Variants in CSGALNACT1 observed in about 807,000 individuals in gnomAD.
The protein encoded by CSGALNACT1 is chondroitin sulfate N-acetylgalactosaminyltransferase 1, also known as beta4GalNAcT-1.
In CSGALNACT1, 52 loss-of-function variants were observed where a neutral mutation model predicts 51.0. The observed-to-expected ratio is 1.02, with a 90% CI of 0.82 to 1.29. The LOEUF (loss-of-function observed/expected upper bound fraction) is 1.29. CSGALNACT1 is among the 50% of genes most tolerant of loss of function. CSGALNACT1 has a pLI of 0.00. For synonymous variants in CSGALNACT1, 341 were observed against 254.4 expected (o/e 1.34, Z -3.24); for missense variants, 935 against 679.2 (o/e 1.38, Z -4.19).
intron 1 of CSGALNACT1, among the ~76,000 whole-genome samples, chr8:19,672,346 CA>C (rs931268519): frequency 1.3e-5 from 2 of 151,886 alleles, no homozygotes; most frequent in Non-Finnish European, 2.9e-5. Flanking sequence ...AATAAATGAA[CA>C]AAAAAAATTG....
At chr8:19,719,180 A>T (rs1284457030) in intron 1 of CSGALNACT1, among the ~76,000 whole-genome samples, 2 of 152,218 alleles carry the variant, frequency 1.3e-5, no homozygotes, top group Admixed American at 6.5e-5. Context: ...GGCTCAAATT[A>T]TCACTTCCCA....
chr8:19,666,640 G>A (rs964705385), intron 1 of CSGALNACT1, among the ~76,000 whole-genome samples: 1 of 151,252 alleles, frequency 6.6e-6, no homozygotes. Flanking sequence ...AGAGGTTACA[G>A]TGAGCCGATA....
At chr8:19,619,871 G>A (rs1394822769) in intron 1 of CSGALNACT1, among the ~76,000 whole-genome samples, 1 of 152,174 alleles carries the variant, frequency 6.6e-6, no homozygotes, top group South Asian at 2.1e-4. Flanking sequence ...TAATGCAGTG[G>A]TCATGGTGCC....
At chr8:19,513,432 C>CTATA (rs1464867601) in intron 3 of CSGALNACT1, among the ~76,000 whole-genome samples, 74 of 71,904 alleles carry the variant, frequency 1.0e-3, no homozygotes, top group Non-Finnish European at 1.6e-3. Flanking sequence ...CTCTCTCTCT[C>CTATA]TCTCTATATA....
upstream of CSGALNACT1, among the ~76,000 whole-genome samples, chr8:19,602,990 A>T (rs779800252): frequency 2.6e-5 from 4 of 151,098 alleles, no homozygotes; most frequent in Admixed American, 2.6e-4. Flanking sequence ...ATATATATAC[A>T]TACATACACA....
chr8:19,456,237 T>A (rs2064059241), intron 5 of CSGALNACT1, among the ~76,000 whole-genome samples: 1 of 152,168 alleles, frequency 6.6e-6, no homozygotes, highest in Admixed American at 6.6e-5. Context: ...CCCAAGAGAA[T>A]CCTGCTATTT....
In CSGALNACT1 at chr8:19,425,319, C is replaced by G. The variant is rs184476500; in HGVS notation, c.954-4801G>C. Among the ~76,000 whole-genome samples the G allele has an allele frequency of 1.7e-3, 263 of 152,278 alleles. 3 individuals carry two copies. The highest frequency in any genetic ancestry group is 3.0e-3 in the Non-Finnish European group (202 of 68,018). On this transcript the variant is annotated intron_variant, in intron 6 of 9. Coordinates refer to ENST00000454498, the Ensembl canonical transcript of CSGALNACT1. ...TCGTGCCATTGTGCTCTAACTTGGG[C>G]AACAGAGCTACATTCCATCTCAAAA...
intron 4 of CSGALNACT1, among the ~76,000 whole-genome samples, chr8:19,504,345 G>A (rs1050724840): frequency 9.2e-5 from 14 of 152,124 alleles, no homozygotes; most frequent in African/African-American, 3.4e-4. Context: ...CAAAGTGCTG[G>A]GATTACAGGC....
intron 4 of CSGALNACT1, among the ~76,000 whole-genome samples, chr8:19,502,533 C>T (rs533708845): frequency 1.3e-5 from 2 of 152,182 alleles, no homozygotes; most frequent in Non-Finnish European, 2.9e-5. Flanking sequence ...TGTTATACTA[C>T]TACATGGTTC....
chr8:19,642,560 C>T (rs2056846811), intron 1 of CSGALNACT1, among the ~76,000 whole-genome samples: 1 of 152,032 alleles, frequency 6.6e-6, no homozygotes, highest in Admixed American at 6.6e-5. Flanking sequence ...CACTTGAGCT[C>T]AGGAGTTTGA....
At position 19,596,344 on chromosome 8, in the gene CSGALNACT1, G is replaced by T. The variant is rs79894774; in HGVS notation, c.-415-5066C>A. On this transcript the variant is annotated intron_variant, in intron 2 of 9. Transcript: ENST00000454498. ...AAGAAAGGACTGTTAGTGTGATGAGGGGGAAAATGAAAAAGCCTAAAGCAG... is the reference window on the plus strand; with the variant it reads ...AAGAAAGGACTGTTAGTGTGATGAGTGGGAAAATGAAAAAGCCTAAAGCAG... 7.7e-3 allele frequency among the ~76,000 whole-genome samples: 1,176 copies of T among 152,156 alleles called. 17 individuals carry two copies. Among genetic ancestry groups the T allele is most frequent in the African/African-American group, 0.027 (1,112 of 41,500 alleles).
intron 3 of CSGALNACT1, 67 bp from the exon 3 acceptor site, chr8:19,506,197 A>C (rs1177859696): frequency 2.1e-6 from 1 of 467,474 alleles, no homozygotes; most frequent in Non-Finnish European, 4.2e-6. Flanking sequence ...TCCCTACGGC[A>C]ATCAATATCC....
chr8:19,693,488 C>T (rs2061433959), intron 1 of CSGALNACT1, among the ~76,000 whole-genome samples: 1 of 152,112 alleles, frequency 6.6e-6, no homozygotes, highest in South Asian at 2.1e-4. Flanking sequence ...TAAGTACTTT[C>T]ATTAAAGTGC....
At chr8:19,492,555 G>T (rs1052659699) in intron 4 of CSGALNACT1, among the ~76,000 whole-genome samples, 1 of 152,164 alleles carries the variant, frequency 6.6e-6, no homozygotes, top group East Asian at 1.9e-4. Context: ...CTGCCAACCT[G>T]GGCCAAGCCT....
chr8:19,505,452 A>T (rs1417175915), exon 4 of CSGALNACT1: 1 of 1,614,094 alleles, frequency 6.2e-7, no homozygotes, highest in Non-Finnish European at 8.5e-7. Context: ...TGCCTTGTCC[A>T]CCTGCGAGTG....
At chr8:19,477,285 C>T (rs904556905) in intron 4 of CSGALNACT1, among the ~76,000 whole-genome samples, 1 of 152,172 alleles carries the variant, frequency 6.6e-6, no homozygotes, top group Non-Finnish European at 1.5e-5. Flanking sequence ...GTGGGGGTTC[C>T]CTGTGTAGGA....
At position 19,513,588 on chromosome 8, in the gene CSGALNACT1, C is replaced by T. The variant is rs142784003; in HGVS notation, c.-296-7458G>A. On this transcript the variant is annotated intron_variant, in intron 3 of 9. Coordinates refer to ENST00000454498, the Ensembl canonical transcript of CSGALNACT1. Reference sequence around the variant, plus strand: ...AGTTTAGGGCTGAGGCACAGTTATGCCATTGCTTAATGAAAGAAAAATGTT... The same window carrying T: ...AGTTTAGGGCTGAGGCACAGTTATGTCATTGCTTAATGAAAGAAAAATGTT... Among the ~76,000 whole-genome samples, 104 of 151,904 alleles carry T rather than the reference C, an allele frequency of 6.8e-4. No homozygotes were observed. The Middle Eastern group carries it at 0.017, about 25-fold the overall frequency.
intron 3 of CSGALNACT1, among the ~76,000 whole-genome samples, chr8:19,527,016 A>C (rs756416772): frequency 9.9e-5 from 15 of 152,162 alleles, no homozygotes; most frequent in Non-Finnish European, 1.9e-4. Flanking sequence ...ATATCTACCC[A>C]CCTATCTATA....
At chr8:19,551,436 G>A (rs993534375) in intron 3 of CSGALNACT1, among the ~76,000 whole-genome samples, 6 of 152,122 alleles carry the variant, frequency 3.9e-5, no homozygotes, top group Non-Finnish European at 7.4e-5. Flanking sequence ...AACTCCACTT[G>A]CAAAATCTCT....
Sources: gnomAD v4.1 joint callset for allele counts (sites outside exome capture counted in the v4.1 genomes callset) on GRCh38, gnomAD v4.1.1 for gene constraint, MANE v1.5 for transcripts, NCBI Gene and HGNC (gene_info 2026-07-23, HGNC 2026-07-21) for gene names.